Variants in NFIA observed in about 807,000 individuals in gnomAD.
NFIA encodes nuclear factor 1 A-type.
Under a neutral mutation model 62.8 loss-of-function variants are expected in NFIA, and 8 were observed. That is an observed-to-expected ratio of 0.13 (90% CI 0.07 to 0.23). NFIA has a LOEUF of 0.23. NFIA is among the 10% of genes least tolerant of loss of function. The pLI is 1.00. For synonymous variants in NFIA, 235 were observed against 238.1 expected (o/e 0.99, Z 0.12); for missense variants, 410 against 642.1 (o/e 0.64, Z 3.91).
At chr1:61,337,163 A>C (rs894438461) in intron 4 of NFIA, among the ~76,000 whole-genome samples, 2 of 152,132 alleles carry the variant, frequency 1.3e-5, no homozygotes, top group African/African-American at 4.8e-5. Flanking sequence ...TAGCCTCACA[A>C]ATTCAGAGGT....
At chr1:61,373,177 A>G (rs566814241) in intron 6 of NFIA, among the ~76,000 whole-genome samples, 1 of 152,288 alleles carries the variant, frequency 6.6e-6, no homozygotes, top group African/African-American at 2.4e-5. Context: ...GAAGGATGGC[A>G]GGCAGATTTC....
At chr1:61,388,795 T>C (rs1024288017) in intron 7 of NFIA, among the ~76,000 whole-genome samples, 10 of 152,078 alleles carry the variant, frequency 6.6e-5, no homozygotes, top group African/African-American at 2.4e-4. Context: ...CTTAAGAAAA[T>C]AAGGAGTCAC....
chr1:61,269,219 A>T (rs1461917794), intron 2 of NFIA, among the ~76,000 whole-genome samples: 9 of 142,872 alleles, frequency 6.3e-5, no homozygotes, highest in South Asian at 4.4e-4. Context: ...TATAGAATTT[A>T]AAAAAAAAAA....
intron 3 of NFIA, among the ~76,000 whole-genome samples, chr1:61,300,321 A>G (rs1659429038): frequency 6.6e-6 from 1 of 152,162 alleles, no homozygotes; most frequent in South Asian, 2.1e-4. Context: ...ATTCCAGCAG[A>G]TCTATACCAG....
chr1:61,235,228 C>T (rs1654918353), intron 2 of NFIA, among the ~76,000 whole-genome samples: 2 of 151,936 alleles, frequency 1.3e-5, no homozygotes, highest in African/African-American at 4.8e-5. Context: ...TTTGGGAGGC[C>T]GAGGCGTGTG....
chr1:61,266,521 C>T (rs1454238530), intron 2 of NFIA, among the ~76,000 whole-genome samples: 1 of 152,120 alleles, frequency 6.6e-6, no homozygotes, highest in East Asian at 1.9e-4. Context: ...CCTCAGCCTC[C>T]CAAGTAGCTG....
chr1:61,403,962 A>G (rs1665692063), intron 7 of NFIA, 142 bp from the exon 8 acceptor site: 1 of 919,268 alleles, frequency 1.1e-6, no homozygotes, highest in South Asian at 1.7e-5. Flanking sequence ...AATCTGTCAG[A>G]CCTATCCAGT....
Position 61,241,953 on chromosome 1 carries a change from T to A in NFIA, c.560-35567T>A, listed in dbSNP as rs147852702. On this transcript the variant is annotated intron_variant, in intron 2 of 10. Transcript: ENST00000403491. ...CAATACTTTCAAAGAGCTTTCTAAA[T>A]GAGATCGAAGAGCGTTAACTAAGAC... Among the ~76,000 whole-genome samples the A allele has an allele frequency of 3.4e-4, 52 of 152,302 alleles. 1 individual carries two copies. The East Asian group carries it at 0.01, about 29-fold the overall frequency.
Position 61,455,556 on chromosome 1 carries a change from C to A in NFIA, c.*236C>A. On this transcript the variant is annotated 3_prime_UTR_variant, in exon 11 of 11. Transcript: ENST00000403491. ...TACTTTAGGGACTGTTGTAATTTCT[C>A]ATATGGTGCTGGAAATGGTTGGGCT... The A allele has an allele frequency of 1.7e-6, 1 of 584,732 alleles. No individual in the cohort carries two copies. Among genetic ancestry groups the A allele is most frequent in the South Asian group, 2.6e-5 (1 of 38,244 alleles). 36.2% of individuals were successfully genotyped at this position (584,732 alleles called of 1,614,324 possible).
At chr1:61,228,994 A>T (rs1422810223) in intron 2 of NFIA, among the ~76,000 whole-genome samples, 1 of 152,208 alleles carries the variant, frequency 6.6e-6, no homozygotes, top group Non-Finnish European at 1.5e-5. Context: ...AAAGAATCTT[A>T]TAAGAACCCA....
chr1:61,302,233 A>G (rs566475258), intron 3 of NFIA, among the ~76,000 whole-genome samples: 49 of 152,306 alleles, frequency 3.2e-4, no homozygotes, highest in African/African-American at 1.1e-3. Flanking sequence ...TCTTGGTCAT[A>G]TAGAACCTAT....
At chr1:61,326,939 C>G (rs905661687) in intron 3 of NFIA, among the ~76,000 whole-genome samples, 2 of 151,760 alleles carry the variant, frequency 1.3e-5, no homozygotes, top group Non-Finnish European at 1.5e-5. Context: ...AAACAAGAGG[C>G]TATATCTAGG....
At chr1:61,330,436 A>T in intron 3 of NFIA, among the ~76,000 whole-genome samples, 1 of 63,476 alleles carries the variant, frequency 1.6e-5, no homozygotes, top group Non-Finnish European at 3.4e-5. Context: ...AAATAGATAC[A>T]CCCCCCCCAC....
intron 4 of NFIA, among the ~76,000 whole-genome samples, chr1:61,349,978 C>T (rs1014329057): frequency 2.6e-5 from 4 of 152,096 alleles, no homozygotes; most frequent in African/African-American, 9.7e-5. Flanking sequence ...AGTCCCCATC[C>T]CCACTATACC....
chr1:61,279,678 C>T (rs970951705), intron 3 of NFIA, among the ~76,000 whole-genome samples: 1 of 151,914 alleles, frequency 6.6e-6, no homozygotes, highest in Non-Finnish European at 1.5e-5. Flanking sequence ...TAGGTCTGGC[C>T]GCCCCTCTAG....
At chr1:61,085,818 A>G (rs1224717439) in intron 1 of NFIA, among the ~76,000 whole-genome samples, 1 of 152,144 alleles carries the variant, frequency 6.6e-6, no homozygotes, top group African/African-American at 2.4e-5. Flanking sequence ...GACTTAAGTT[A>G]TTCTTAATGA....
chr1:61,175,801 G>A (rs1382174264), intron 2 of NFIA, among the ~76,000 whole-genome samples: 2 of 152,156 alleles, frequency 1.3e-5, no homozygotes, highest in East Asian at 3.8e-4. Flanking sequence ...TAGCTATATA[G>A]TCAGTCACTT....
intron 4 of NFIA, among the ~76,000 whole-genome samples, chr1:61,333,070 C>T (rs867033131): frequency 4.5e-5 from 6 of 133,112 alleles, no homozygotes; most frequent in Admixed American, 2.8e-4. Context: ...CACACACATA[C>T]ACACACACAC....
chr1:61,257,537 A>G (rs1287359903), intron 2 of NFIA, among the ~76,000 whole-genome samples: 1 of 151,606 alleles, frequency 6.6e-6, no homozygotes, highest in East Asian at 1.9e-4. Context: ...ACGGGGTTTC[A>G]CCATGTTAGC....
Sources: allele counts gnomAD v4.1 joint callset (sites outside exome capture counted in the v4.1 genomes callset), GRCh38; gene constraint gnomAD v4.1.1; transcripts MANE v1.5; gene names NCBI Gene and HGNC (gene_info 2026-07-23, HGNC 2026-07-21).